RBFOX1: variants seen among roughly 807,000 people sequenced by gnomAD.
RBFOX1 encodes the protein RNA binding protein fox-1 homolog 1.
A neutral mutation model predicts 57.7 loss-of-function variants in RBFOX1; 8 were observed. That is an observed-to-expected ratio of 0.14 (90% CI 0.08 to 0.25). RBFOX1 has a LOEUF of 0.25. Among genes scored for constraint, RBFOX1 ranks in the 10% least tolerant of loss-of-function variants. RBFOX1 has a pLI of 1.00. For synonymous variants in RBFOX1, 326 were observed against 222.4 expected (o/e 1.47, Z -4.15); for missense variants, 611 against 548.5 (o/e 1.11, Z -1.14).
chr16:7,148,478 A>C (rs1297484960), intron 4 of RBFOX1, among the ~76,000 whole-genome samples: 1 of 152,162 alleles, frequency 6.6e-6, no homozygotes, highest in African/African-American at 2.4e-5. Context: ...TCAACTTCGG[A>C]TCTTTTTCAC....
At chr16:5,698,632 C>G (rs1047520788) in intron 3 of RBFOX1, among the ~76,000 whole-genome samples, 2 of 152,112 alleles carry the variant, frequency 1.3e-5, no homozygotes, top group African/African-American at 4.8e-5. Flanking sequence ...GGTGTTCAAA[C>G]AAAAACTTAC....
intron 4 of RBFOX1, among the ~76,000 whole-genome samples, chr16:7,378,803 C>T (rs941367785): frequency 1.3e-5 from 2 of 152,158 alleles, no homozygotes; most frequent in African/African-American, 4.8e-5. Flanking sequence ...GCAAAGTCAG[C>T]CTGGCTCCTT....
chr16:6,633,596 A>G lies in RBFOX1; in HGVS notation c.-63-21007A>G, dbSNP rs143030202. On this transcript the variant is annotated intron_variant, in intron 2 of 15. Transcript: ENST00000550418. ...GGCCTGAGACACTGCGCCTGGCCAC[A>G]TGTTCTGGAGTCTTTAAATCAACAG... Among the ~76,000 whole-genome samples, 538 of 152,212 alleles carry G rather than the reference A, an allele frequency of 3.5e-3. 6 individuals are homozygous for G. Among genetic ancestry groups the G allele is most frequent in the African/African-American group, 0.012 (517 of 41,548 alleles).
chr16:6,810,275 A>C (rs536073164), intron 3 of RBFOX1, among the ~76,000 whole-genome samples: 20 of 152,140 alleles, frequency 1.3e-4, no homozygotes, highest in African/African-American at 3.6e-4. Flanking sequence ...TTGTGATTCA[A>C]ATTGGTCTGT....
intron 4 of RBFOX1, among the ~76,000 whole-genome samples, chr16:7,403,458 C>A (rs2098278150): frequency 6.6e-6 from 1 of 152,068 alleles, no homozygotes; most frequent in African/African-American, 2.4e-5. Flanking sequence ...TGTTTTAGAT[C>A]CTGCATGTAA....
chr16:6,311,479 G>A (rs533127882), intron 1 of RBFOX1, among the ~76,000 whole-genome samples: 20 of 152,204 alleles, frequency 1.3e-4, no homozygotes, highest in African/African-American at 3.4e-4. Context: ...TGGAGAATCC[G>A]CTCCTGAAGT....
At chr16:5,670,690 T>A (rs1303521397) in intron 3 of RBFOX1, among the ~76,000 whole-genome samples, 1 of 152,242 alleles carries the variant, frequency 6.6e-6, no homozygotes, top group Non-Finnish European at 1.5e-5. Context: ...CTCACAGGGT[T>A]ATCCTTCTTA....
intron 3 of RBFOX1, among the ~76,000 whole-genome samples, chr16:5,634,786 G>A (rs923524849): frequency 6.6e-6 from 1 of 152,176 alleles, no homozygotes; most frequent in Non-Finnish European, 1.5e-5. Context: ...GACAGATTCT[G>A]TCCAGATGGC....
chr16:7,299,103 G>A (rs1184732799), intron 4 of RBFOX1, among the ~76,000 whole-genome samples: 3 of 152,192 alleles, frequency 2.0e-5, no homozygotes, highest in African/African-American at 7.2e-5. Flanking sequence ...GATTTTGATA[G>A]TGAGCACCAA....
intron 5 of RBFOX1, among the ~76,000 whole-genome samples, chr16:7,536,081 A>G (rs2081397903): frequency 6.6e-6 from 1 of 152,212 alleles, no homozygotes; most frequent in African/African-American, 2.4e-5. Flanking sequence ...TGTATCCACC[A>G]GGTTCGACAT....
At chr16:5,575,619 G>A (rs4786717) in intron 2 of RBFOX1, among the ~76,000 whole-genome samples, 135,696 of 152,276 alleles carry the variant, frequency 0.89, 60,547 homozygotes, top group East Asian at 1. Context: ...TGTCTCCGAA[G>A]CAAAGCTTCC....
chr16:5,327,330 G>C (rs573121955), intron 1 of RBFOX1, among the ~76,000 whole-genome samples: 2 of 152,178 alleles, frequency 1.3e-5, no homozygotes, highest in Admixed American at 1.3e-4. Context: ...TGGGGAATCT[G>C]TGTAGCCCAC....
Position 6,377,521 on chromosome 16 carries a change from C to G in RBFOX1, c.-64+60464C>G, listed in dbSNP as rs558700931. ...GCTCTGGGCCCTGGCAAGTCTCAGC[C>G]TGGAGAACTGAGTCTGCCTGCCTGC... On this transcript the variant is annotated intron_variant, in intron 2 of 15. Coordinates refer to ENST00000550418, the MANE Select transcript of RBFOX1 (RefSeq NM_018723.4). 4.6e-5 allele frequency among the ~76,000 whole-genome samples: 7 copies of G among 152,216 alleles called. No homozygotes were observed. The East Asian group carries it at 1.4e-3, about 30-fold the overall frequency.
At chr16:6,750,038 T>C (rs1024629450) in intron 3 of RBFOX1, among the ~76,000 whole-genome samples, 4 of 152,110 alleles carry the variant, frequency 2.6e-5, no homozygotes, top group Admixed American at 6.6e-5. Context: ...ATCTTTGAAA[T>C]TGATGTAGCT....
At chr16:5,610,861 C>G (rs1022961123) in intron 3 of RBFOX1, among the ~76,000 whole-genome samples, 1 of 151,980 alleles carries the variant, frequency 6.6e-6, no homozygotes, top group African/African-American at 2.4e-5. Context: ...GAGCAAGACC[C>G]TATCTGTCAA....
chr16:7,064,131 C>T (rs998063467), intron 4 of RBFOX1, among the ~76,000 whole-genome samples: 10 of 148,216 alleles, frequency 6.7e-5, no homozygotes, highest in South Asian at 2.1e-4. Context: ...AGTCCATAAG[C>T]GTGGGCCCTA....
intron 3 of RBFOX1, among the ~76,000 whole-genome samples, chr16:5,818,344 G>A (rs902810405): frequency 1.3e-5 from 2 of 152,166 alleles, no homozygotes; most frequent in African/African-American, 4.8e-5. Context: ...GCAAGGGCTT[G>A]TATATCATGG....
intron 1 of RBFOX1, among the ~76,000 whole-genome samples, chr16:6,200,092 A>G (rs1306213911): frequency 6.6e-6 from 1 of 152,184 alleles, no homozygotes; most frequent in East Asian, 1.9e-4. Flanking sequence ...AAGCTTCTGC[A>G]AGGACCCCAT....
At chr16:5,564,337 T>TCTTCTGTCATTTTCTTTCAC (rs1182219832) in intron 2 of RBFOX1, among the ~76,000 whole-genome samples, 1 of 152,110 alleles carries the variant, frequency 6.6e-6, no homozygotes, top group African/African-American at 2.4e-5. Flanking sequence ...GTTTCTTTAC[T>TCTTCTGTCATTTTCTTTCAC]CTTCTGTCAT....
Sources: allele counts gnomAD v4.1 joint callset (sites outside exome capture counted in the v4.1 genomes callset), GRCh38; gene constraint gnomAD v4.1.1; transcripts MANE v1.5; gene names NCBI Gene and HGNC (gene_info 2026-07-23, HGNC 2026-07-21).